Variants in RHAG observed in about 807,000 individuals in gnomAD.
RHAG encodes Rh associated glycoprotein, also known as ammonium transporter Rh type A.
A neutral mutation model predicts 42.4 loss-of-function variants in RHAG; 25 were observed. The observed-to-expected ratio is 0.59, with a 90% CI of 0.43 to 0.82. The LOEUF (loss-of-function observed/expected upper bound fraction) is 0.82. Ranked by LOEUF, RHAG falls within the 40% of genes least tolerant of loss-of-function variation. The pLI, the probability that RHAG is intolerant of heterozygous loss-of-function variation, is 0.00. For missense variants in RHAG, 483 were observed against 504.6 expected (o/e 0.96, Z 0.41); for synonymous variants, 182 against 177.7 (o/e 1.02, Z -0.19).
At chr6:49,624,464 C>A (rs548151349) in intron 1 of RHAG, among the ~76,000 whole-genome samples, 1 of 152,354 alleles carries the variant, frequency 6.6e-6, no homozygotes, top group South Asian at 2.1e-4. Flanking sequence ...CTCGGCCTCC[C>A]AAAGTGCTGG....
rs1222205878 is a variant in RHAG, at chr6:49,619,252, C to T, written c.268G>A (p.Gly90Ser). ...VGINLLVAAL[G>S]LQWGTIVQGI... is the part of the protein sequence containing the mutation. Reference sequence around the variant, plus strand: ...TGTACAATAGTGCCCCACTGGAGGCCCAAAGCAGCAACGAGTAGGTTGATA... The same window carrying T: ...TGTACAATAGTGCCCCACTGGAGGCTCAAAGCAGCAACGAGTAGGTTGATA... The change falls in exon 2 of 10, where the codon GGC becomes AGC. Residue 90 changes from glycine (G) to serine (S), a missense_variant. Transcript: ENST00000371175. 1 of 1,614,050 alleles carries T rather than the reference C, an allele frequency of 6.2e-7. No individual in the cohort carries two copies. The highest frequency in any genetic ancestry group is 8.5e-7 in the Non-Finnish European group (1 of 1,179,980).
At chr6:49,623,301 T>C (rs192683581) in intron 1 of RHAG, among the ~76,000 whole-genome samples, 1,625 of 152,336 alleles carry the variant, frequency 0.011, 11 homozygotes, top group Non-Finnish European at 0.015. Context: ...GTGGAGGCTC[T>C]TGACAGATAA....
rs188228731 is a variant in RHAG at position 49,615,780 on chromosome 6, C to A, written c.493-9G>T. On this transcript the variant is annotated splice_polypyrimidine_tract_variant and intron_variant, in intron 3 of 9. Transcript: ENST00000371175. ...GCTCCAATGTCAGAGGCCTGAGGGA[C>A]AAAATAGCATTCACATAAATAGAGG... is the stretch of plus-strand genomic sequence containing the variant. 2.5e-6 allele frequency: 4 copies of A among 1,613,700 alleles called. No individual in the cohort carries two copies. Among genetic ancestry groups the A allele is most frequent in the East Asian group, 4.5e-5 (2 of 44,860 alleles).
intron 7 of RHAG, among the ~76,000 whole-genome samples, chr6:49,608,661 G>A (rs982099882): frequency 7.9e-5 from 12 of 152,114 alleles, no homozygotes; most frequent in Admixed American, 2.6e-4. Flanking sequence ...ACAGGCTTGA[G>A]CCACCGTGTC....
rs922082445 is a variant in RHAG, at chr6:49,623,729, A to T, written c.158-4367T>A. ...GCTGTGGTGAATAGGACAGCTTCCC[A>T]CAAGGAAGTATTGGGCTCAAAGTGT... is the stretch of plus-strand genomic sequence containing the variant. On this transcript the variant is annotated intron_variant, in intron 1 of 9. Transcript: ENST00000371175. 2.0e-5 allele frequency among the ~76,000 whole-genome samples: 3 copies of T among 152,236 alleles called. No individual in the cohort carries two copies. In the South Asian group the frequency reaches 6.2e-4, roughly 32 times the overall value.
At position 49,616,354 on chromosome 6, in the gene RHAG, CAAAAAAAA is replaced by C. The variant is rs34416373; in HGVS notation, c.493-591_493-584del. On this transcript the variant is annotated intron_variant, in intron 3 of 9. Coordinates refer to ENST00000371175, the MANE Select transcript of RHAG (RefSeq NM_000324.3). The stretch of plus-strand genomic sequence containing the variant: ...GACAAAGCAAGAACTAATCTCAAAC[CAAAAAAAA>C]AAAAAAAAAAAAAGATACTGCTTGC... Among the ~76,000 whole-genome samples, 48 of 108,786 alleles carry C rather than the reference CAAAAAAAA, an allele frequency of 4.4e-4. 1 individual carries two copies. The East Asian group carries it at 7.7e-3, about 18-fold the overall frequency. 71.4% of individuals were successfully genotyped at this position (108,786 alleles called of 152,430 possible). A position where few individuals can be genotyped will look rare whatever the true frequency, so the allele number is the denominator to read the frequency against.
chr6:49,630,121 A>G lies in RHAG; in HGVS notation c.157+6535T>C, dbSNP rs182901583. ...CACGCTGTCACCTCTCACAGGTATG[A>G]GCCCAGCCCCAATACTCCTTTACCT... On this transcript the variant is annotated intron_variant, in intron 1 of 9. Coordinates refer to ENST00000371175, the MANE Select transcript of RHAG (RefSeq NM_000324.3). Among the ~76,000 whole-genome samples the G allele has an allele frequency of 6.2e-4, 95 of 152,334 alleles. 1 individual carries two copies. The highest frequency in any genetic ancestry group is 1.1e-3 in the Non-Finnish European group (74 of 68,030).
chr6:49,625,391 G>C (rs1293108622), intron 1 of RHAG, among the ~76,000 whole-genome samples: 1 of 152,112 alleles, frequency 6.6e-6, no homozygotes, highest in African/African-American at 2.4e-5. Context: ...CTTTACCATA[G>C]GTATTTCTTC....
intron 6 of RHAG, among the ~76,000 whole-genome samples, chr6:49,611,616 A>G (rs558480057): frequency 6.6e-6 from 1 of 152,220 alleles, no homozygotes. Flanking sequence ...AGTCCACTTA[A>G]AGTTAAAGGA....
intron 3 of RHAG, among the ~76,000 whole-genome samples, chr6:49,617,594 T>G (rs2127353052): frequency 6.6e-6 from 1 of 152,256 alleles, no homozygotes; most frequent in South Asian, 2.1e-4. Context: ...ATGTTCTTTA[T>G]TTATTTATTA....
chr6:49,633,238 C>T (rs150459853), intron 1 of RHAG, among the ~76,000 whole-genome samples: 6 of 152,256 alleles, frequency 3.9e-5, no homozygotes, highest in African/African-American at 1.4e-4. Flanking sequence ...TCATAATGTA[C>T]TGTGAACTTC....
Position 49,619,311 on chromosome 6 carries a change from G to A in RHAG, c.209C>T (p.Thr70Ile), listed in dbSNP as rs149343590. ...MIFVGFGFLM[T>I]FLKKYGFSSV... Reference sequence around the variant, plus strand: ...GCTGAAGCCATATTTCTTCAGGAAGGTCATGAGGAAGCCAAACCCAACAAA... The same window carrying A: ...GCTGAAGCCATATTTCTTCAGGAAGATCATGAGGAAGCCAAACCCAACAAA... The change falls in exon 2 of 10, where the codon ACC (threonine) becomes ATC (isoleucine). Residue 70 changes from threonine (T) to isoleucine (I), a missense_variant. Physicochemically the swap from Thr to Ile is moderately conservative, Grantham distance 89 (BLOSUM62 -1). Coordinates refer to ENST00000371175, the MANE Select transcript of RHAG (RefSeq NM_000324.3). 2.7e-5 allele frequency: 43 copies of A among 1,614,006 alleles called. 1 individual carries two copies. Among genetic ancestry groups the A allele is most frequent in the South Asian group, 1.1e-5 (1 of 91,084 alleles).
At chr6:49,611,586 A>G (rs1385421240) in intron 6 of RHAG, among the ~76,000 whole-genome samples, 1 of 152,168 alleles carries the variant, frequency 6.6e-6, no homozygotes, top group African/African-American at 2.4e-5. Context: ...CGTAGAGCAC[A>G]GTTCTCCATC....
intron 7 of RHAG, among the ~76,000 whole-genome samples, chr6:49,608,724 A>G (rs1762516875): frequency 6.6e-6 from 1 of 152,188 alleles, no homozygotes; most frequent in South Asian, 2.1e-4. Context: ...TACAATTTAT[A>G]TTCCAATTTT....
intron 1 of RHAG, among the ~76,000 whole-genome samples, chr6:49,626,090 C>G (rs973356868): frequency 2.6e-5 from 4 of 152,164 alleles, no homozygotes; most frequent in African/African-American, 9.7e-5. Context: ...GGAACACAGA[C>G]AAACCATCTC....
chr6:49,613,983 A>G (rs1291282788), intron 5 of RHAG, among the ~76,000 whole-genome samples: 1 of 152,182 alleles, frequency 6.6e-6, no homozygotes, highest in African/African-American at 2.4e-5. Context: ...GGAGAATAGA[A>G]TCAGTGTGCA....
At position 49,611,160 on chromosome 6, in the gene RHAG, GGAA is replaced by G. The variant is rs575317608; in HGVS notation, c.946-18_946-16del. The stretch of plus-strand genomic sequence containing the variant: ...GTAAAAAGTGGCTAAAATTATAAAA[GGAA>G]GAAGGTTTATTATTTAGTTAAACAT... On this transcript the variant is annotated splice_polypyrimidine_tract_variant and intron_variant, in intron 6 of 9. Transcript: ENST00000371175. 7.5e-5 allele frequency: 120 copies of G among 1,605,462 alleles called. 2 individuals are homozygous for G. The East Asian group carries it at 2.6e-3, about 35-fold the overall frequency.
chr6:49,626,975 G>A (rs73435811), intron 1 of RHAG, among the ~76,000 whole-genome samples: 4,331 of 152,314 alleles, frequency 0.028, 220 homozygotes, highest in African/African-American at 0.099. Context: ...GCACCATGTC[G>A]TGAGGTTGCA....
chr6:49,613,605 T>G (rs1762603518), intron 5 of RHAG, among the ~76,000 whole-genome samples: 1 of 152,138 alleles, frequency 6.6e-6, no homozygotes, highest in Admixed American at 6.6e-5. Flanking sequence ...CCACCCCACC[T>G]GCCCCACCCA....
Sources: gnomAD v4.1 joint callset for allele counts (sites outside exome capture counted in the v4.1 genomes callset) on GRCh38, gnomAD v4.1.1 for gene constraint, MANE v1.5 for transcripts, NCBI Gene and HGNC (gene_info 2026-07-23, HGNC 2026-07-21) for gene names.